MEIOB: variants seen among roughly 807,000 people sequenced by gnomAD.
MEIOB encodes the protein meiosis-specific with OB domain-containing protein.
In MEIOB, 50 loss-of-function variants were observed where a neutral mutation model predicts 53.1. That is an observed-to-expected ratio of 0.94 (90% CI 0.75 to 1.19). The LOEUF (loss-of-function observed/expected upper bound fraction) is 1.19, where lower values mean the gene tolerates loss of function less well. Among genes scored for constraint, MEIOB ranks in the 50% most tolerant of loss-of-function variants. MEIOB has a pLI of 0.00. For missense variants in MEIOB, 551 were observed against 550.8 expected (o/e 1.00, Z 0.00); for synonymous variants, 192 against 182.5 (o/e 1.05, Z -0.42).
chr16:1,852,057 G>T (rs1899184540), intron 9 of MEIOB, among the ~76,000 whole-genome samples: 2 of 152,152 alleles, frequency 1.3e-5, no homozygotes, highest in South Asian at 4.1e-4. Flanking sequence ...TTAATGTGCA[G>T]TTATGAGCTA....
rs546349742 is a variant in MEIOB at position 1,863,929 on chromosome 16, G to A, written c.128-1813C>T. On this transcript the variant is annotated intron_variant, in intron 3 of 13. Coordinates refer to ENST00000325962, the MANE Select transcript of MEIOB (RefSeq NM_001163560.3). ...AATCCCGGCACCTTGGGAGGCCAAGGGGGTAAGATTGCTTCAGCCAAGGAG... is the reference window on the plus strand; with the variant it reads ...AATCCCGGCACCTTGGGAGGCCAAGAGGGTAAGATTGCTTCAGCCAAGGAG... Among the ~76,000 whole-genome samples the A allele has an allele frequency of 7.9e-5, 12 of 152,180 alleles. No homozygotes were observed. The South Asian group carries it at 1.7e-3, about 21-fold the overall frequency.
chr16:1,861,916 T>G, intron 4 of MEIOB, 69 bp downstream of exon 4: 1 of 1,404,764 alleles, frequency 7.1e-7, no homozygotes, highest in Non-Finnish European at 9.7e-7. Context: ...TCCTTCAGTA[T>G]AGTTACCATA....
intron 13 of MEIOB, among the ~76,000 whole-genome samples, chr16:1,836,405 G>A (rs1342454297): frequency 2.0e-5 from 3 of 152,154 alleles, no homozygotes; most frequent in Admixed American, 1.3e-4. Flanking sequence ...AACTTAAGTT[G>A]ATCAGACTCA....
At chr16:1,853,962 G>A in intron 7 of MEIOB, 138 bp downstream of exon 7, 1 of 649,676 alleles carries the variant, frequency 1.5e-6, no homozygotes. Context: ...TCAAGAGTGA[G>A]ATTTATTTTT....
At chr16:1,835,454 T>C (rs1012791603) in intron 13 of MEIOB, among the ~76,000 whole-genome samples, 5 of 152,144 alleles carry the variant, frequency 3.3e-5, no homozygotes, top group Admixed American at 2.6e-4. Flanking sequence ...CAACATTTTA[T>C]TTAATATAGA....
intron 4 of MEIOB, among the ~76,000 whole-genome samples, chr16:1,860,868 G>T (rs1899423990): frequency 6.6e-6 from 1 of 152,044 alleles, no homozygotes; most frequent in African/African-American, 2.4e-5. Context: ...ACCGGTATGG[G>T]GAGTCAGCTG....
chr16:1,867,701 A>T (rs1264436448), intron 2 of MEIOB, among the ~76,000 whole-genome samples: 1 of 151,862 alleles, frequency 6.6e-6, no homozygotes, highest in African/African-American at 2.4e-5. Context: ...CAAACTCCCA[A>T]CCTCAGGTGA....
intron 9 of MEIOB, among the ~76,000 whole-genome samples, chr16:1,847,674 T>C (rs1453530123): frequency 6.6e-6 from 1 of 152,018 alleles, no homozygotes; most frequent in Non-Finnish European, 1.5e-5. Flanking sequence ...ACTTTGTGAT[T>C]ACTTTAATAT....
intron 4 of MEIOB, among the ~76,000 whole-genome samples, chr16:1,861,591 G>A (rs553836939): frequency 7.3e-6 from 1 of 137,014 alleles, no homozygotes; most frequent in Non-Finnish European, 1.5e-5. Flanking sequence ...GACTCAGGCT[G>A]GAGTGCAGAG....
chr16:1,859,621 A>G (rs940104773), intron 5 of MEIOB, among the ~76,000 whole-genome samples: 1 of 152,188 alleles, frequency 6.6e-6, no homozygotes, highest in Non-Finnish European at 1.5e-5. Context: ...ATGAAATATA[A>G]AGAAATTCAC....
At chr16:1,838,002 G>A (rs1274164358) in intron 12 of MEIOB, 132 bp from the exon 13 acceptor site, 3 of 1,440,010 alleles carry the variant, frequency 2.1e-6, no homozygotes, top group South Asian at 1.5e-5. Context: ...TCAATCGTTT[G>A]TTTTTGTTTG....
chr16:1,849,916 T>C (rs1899120548), intron 9 of MEIOB, among the ~76,000 whole-genome samples: 1 of 152,238 alleles, frequency 6.6e-6, no homozygotes, highest in Admixed American at 6.5e-5. Flanking sequence ...GATTTAGCCA[T>C]TCTGTAATGT....
rs375357534 is a variant in MEIOB at position 1,857,689 on chromosome 16, C to A, written c.528+46G>T. ...CCCAAACACAGATCAAGTGACTGCA[C>A]CTCCCCTGCCAGATTGCACTTGGCT... On this transcript the variant is annotated intron_variant, in intron 6 of 13. Transcript: ENST00000325962. The A allele has an allele frequency of 2.3e-5, 33 of 1,465,188 alleles. No individual in the cohort carries two copies. In the African/African-American group the frequency reaches 4.5e-4, roughly 20 times the overall value. 90.8% of individuals were successfully genotyped at this position (1,465,188 alleles called of 1,614,324 possible). A position where few individuals can be genotyped will look rare whatever the true frequency, so the allele number is the denominator to read the frequency against.
At chr16:1,852,124 C>A (rs1279887404) in intron 9 of MEIOB, among the ~76,000 whole-genome samples, 1 of 152,084 alleles carries the variant, frequency 6.6e-6, no homozygotes, top group African/African-American at 2.4e-5. Context: ...AATGTCCTAG[C>A]AGTAAAAGTT....
chr16:1,871,305 C>T (rs1277490230), intron 1 of MEIOB, among the ~76,000 whole-genome samples: 3 of 144,394 alleles, frequency 2.1e-5, no homozygotes, highest in Admixed American at 7.1e-5. Context: ...CTACAAGCTC[C>T]GCCTCCCGGG....
chr16:1,870,526 G>A (rs1369406218), intron 1 of MEIOB, among the ~76,000 whole-genome samples: 4 of 152,192 alleles, frequency 2.6e-5, no homozygotes, highest in African/African-American at 4.8e-5. Flanking sequence ...GTTTGTAGTC[G>A]TGTGTTTTAA....
In MEIOB at chr16:1,839,513, G is replaced by C. The variant is rs1898842113; in HGVS notation, c.1035-75C>G. Reference sequence around the variant, plus strand: ...TTTCATCTGTAGCAGAAAAAGAATTGTCACTAAAAACTCTACGACAGTGTG... The same window carrying C: ...TTTCATCTGTAGCAGAAAAAGAATTCTCACTAAAAACTCTACGACAGTGTG... On this transcript the variant is annotated intron_variant, in intron 11 of 13. Transcript: ENST00000325962. 5.9e-6 allele frequency: 8 copies of C among 1,366,906 alleles called. No individual in the cohort carries two copies. The South Asian group carries it at 1.1e-4, about 19-fold the overall frequency. 84.7% of individuals were successfully genotyped at this position (1,366,906 alleles called of 1,614,324 possible).
At chr16:1,855,935 T>C (rs1899288349) in intron 6 of MEIOB, among the ~76,000 whole-genome samples, 2 of 150,230 alleles carry the variant, frequency 1.3e-5, no homozygotes, top group South Asian at 4.2e-4. Context: ...TTTTTCCTTT[T>C]TTTTTTTTTT....
chr16:1,868,452 T>C (rs548466519), intron 1 of MEIOB, among the ~76,000 whole-genome samples: 2 of 151,952 alleles, frequency 1.3e-5, no homozygotes, highest in South Asian at 4.2e-4. Context: ...TGCTTGAACC[T>C]GGGAGGCAGA....
Sources: allele counts gnomAD v4.1 joint callset (sites outside exome capture counted in the v4.1 genomes callset), GRCh38; gene constraint gnomAD v4.1.1; transcripts MANE v1.5; gene names NCBI Gene and HGNC (gene_info 2026-07-23, HGNC 2026-07-21).